RRP7A: variants seen among roughly 807,000 people sequenced by gnomAD.
RRP7A encodes ribosomal RNA-processing protein 7 homolog A.
In RRP7A, 27 loss-of-function variants were observed where a neutral mutation model predicts 38.4. The ratio of observed to expected loss-of-function variants is 0.70; its 90% CI spans 0.52 to 0.97. RRP7A has a LOEUF of 0.97. Ranked by LOEUF, RRP7A falls within the 50% of genes least tolerant of loss-of-function variation. The pLI, the probability that RRP7A is intolerant of heterozygous loss-of-function variation, is 0.00. For missense variants in RRP7A, 327 were observed against 375.4 expected (o/e 0.87, Z 1.07); for synonymous variants, 124 against 150.3 (o/e 0.83, Z 1.28).
rs1439515878 is a variant in RRP7A at position 42,516,145 on chromosome 22, G to A, written c.217-9C>T. 5 of 1,612,398 alleles carry A rather than the reference G, an allele frequency of 3.1e-6. No homozygotes were observed. The highest frequency in any genetic ancestry group is 4.2e-6 in the Non-Finnish European group (5 of 1,179,288). On this transcript the variant is annotated splice_polypyrimidine_tract_variant and intron_variant, in intron 2 of 6. Coordinates refer to ENST00000323013, the MANE Select transcript of RRP7A (RefSeq NM_015703.5). ...AGGCGGGACAGGCTCTCCTGCCGCA[G>A]GGAGAGGGAAGCCAAGTGTGAGCAT... is the stretch of plus-strand genomic sequence containing the variant.
Position 42,510,802 on chromosome 22 carries a change from ACTGGGAAAGACCC to A in RRP7A, c.*2095_*2107del. On this transcript the variant is annotated 3_prime_UTR_variant, in exon 7 of 7. Coordinates refer to ENST00000323013, the MANE Select transcript of RRP7A (RefSeq NM_015703.5). ...CCACCTCACCCATCTCTTCTCATGC[ACTGGGAAAGACCC>A]CTGGTCTGCCCCCAGGCCCAACAAG... 1 of 1,324,140 alleles carries A rather than the reference ACTGGGAAAGACCC, an allele frequency of 7.6e-7. No individual in the cohort carries two copies. Among genetic ancestry groups the A allele is most frequent in the Non-Finnish European group, 9.8e-7 (1 of 1,022,308 alleles). The allele number at this position is 1,324,140 out of a possible 1,614,324, so 82.0% of individuals were successfully genotyped here. A position where few individuals can be genotyped will look rare whatever the true frequency, so the allele number is the denominator to read the frequency against.
In RRP7A at chr22:42,519,688, C is replaced by T. The variant is rs370321667; in HGVS notation, c.73+26G>A. On this transcript the variant is annotated intron_variant, in intron 1 of 6. Coordinates refer to ENST00000323013, the MANE Select transcript of RRP7A (RefSeq NM_015703.5). Reference sequence around the variant, plus strand: ...CCTCCCGGCGATGCCTGACCGCCCCCGGTCTCGCGTCCCGGAGCCCCTCAC... The same window carrying T: ...CCTCCCGGCGATGCCTGACCGCCCCTGGTCTCGCGTCCCGGAGCCCCTCAC... The T allele has an allele frequency of 6.5e-5, 93 of 1,440,312 alleles. 1 individual carries two copies. The East Asian group carries it at 1.5e-3, about 23-fold the overall frequency. 89.2% of individuals were successfully genotyped at this position (1,440,312 alleles called of 1,614,324 possible).
At chr22:42,519,072 G>A (rs1432352516) in intron 1 of RRP7A, among the ~76,000 whole-genome samples, 1 of 148,750 alleles carries the variant, frequency 6.7e-6, no homozygotes, top group Non-Finnish European at 1.5e-5. Flanking sequence ...AAAACCCAGA[G>A]GGGGGAAAAA....
rs1932352153 is a variant in RRP7A, at chr22:42,508,850, GC to G, written c.*4059del. 6.6e-6 allele frequency among the ~76,000 whole-genome samples: 1 copy of G among 152,202 alleles called. No individual in the cohort carries two copies. The highest frequency in any genetic ancestry group is 2.1e-4 in the South Asian group (1 of 4,832). On this transcript the variant is annotated 3_prime_UTR_variant, in exon 7 of 7. Transcript: ENST00000323013. ...GACTTGGAGAGGGCAGGAGTCTCTG[GC>G]CACCAGGGGCTAAAGAGCCTTCGAT...
At chr22:42,516,421 T>C (rs1487580081) in intron 2 of RRP7A, 1 of 468,996 alleles carries the variant, frequency 2.1e-6, no homozygotes, top group South Asian at 1.7e-5. Context: ...GTGATTCTCA[T>C]GCCTCAGTCT....
Position 42,509,107 on chromosome 22 carries a change from T to C in RRP7A, c.*3803A>G, listed in dbSNP as rs150041615. ...AAGCTGCAGGCCCATGTCCTGTTGA[T>C]CAAGTGAGTCTGGACCCATCCCCTT... is the stretch of plus-strand genomic sequence containing the variant. On this transcript the variant is annotated 3_prime_UTR_variant, in exon 7 of 7. Transcript: ENST00000323013. The C allele has an allele frequency of 5.6e-6, 9 of 1,613,958 alleles. No individual in the cohort carries two copies. In the Admixed American group the frequency reaches 6.7e-5, roughly 12 times the overall value.
Position 42,510,692 on chromosome 22 carries a change from A to T in RRP7A, c.*2218T>A, listed in dbSNP as rs1321000784. ...CTCTGACAAGGAGTCCCTGTCGTTC[A>T]TGATAGACACAATGAAATCCACCCT... On this transcript the variant is annotated 3_prime_UTR_variant, in exon 7 of 7. Coordinates refer to ENST00000323013, the MANE Select transcript of RRP7A (RefSeq NM_015703.5). The T allele has an allele frequency of 6.7e-7, 1 of 1,485,444 alleles. No individual in the cohort carries two copies. Among genetic ancestry groups the T allele is most frequent in the East Asian group, 2.5e-5 (1 of 40,018 alleles). The allele number at this position is 1,485,444 out of a possible 1,614,324, so 92.0% of individuals were successfully genotyped here. A position where few individuals can be genotyped will look rare whatever the true frequency, so the allele number is the denominator to read the frequency against.
rs1932358581 is a variant in RRP7A at position 42,509,034 on chromosome 22, A to C, written c.*3876T>G. The C allele has an allele frequency of 3.7e-6, 6 of 1,608,752 alleles. No individual in the cohort carries two copies. The highest frequency in any genetic ancestry group is 5.1e-6 in the Non-Finnish European group (6 of 1,174,864). On this transcript the variant is annotated 3_prime_UTR_variant, in exon 7 of 7. Coordinates refer to ENST00000323013, the MANE Select transcript of RRP7A (RefSeq NM_015703.5). ...CATGTTTTTGTCTCTGCAGGCAGAG[A>C]ACAGCATTGACTTCGTCAGCAGGGA...
intron 5 of RRP7A, 27 bp from the exon 6 acceptor site, chr22:42,514,331 G>C (rs535031738): frequency 6.8e-7 from 1 of 1,477,842 alleles, no homozygotes; most frequent in Admixed American, 2.1e-5. Context: ...CCCATCCTCC[G>C]GTGGGACCTC....
In RRP7A at chr22:42,515,170, A is replaced by G. The variant is rs1354923972; in HGVS notation, c.441T>C (p.Pro147=). The G allele has an allele frequency of 8.6e-7, 1 of 1,166,732 alleles. No homozygotes were observed. Among genetic ancestry groups the G allele is most frequent in the Non-Finnish European group, 1.2e-6 (1 of 807,806 alleles). The allele number at this position is 1,166,732 out of a possible 1,614,324, so 72.3% of individuals were successfully genotyped here. A position where few individuals can be genotyped will look rare whatever the true frequency, so the allele number is the denominator to read the frequency against. ...ACTAACTGTGAATGCCACTCTTCAC[A>G]GGGTGGCTCTCTGTGGACACCAGCA... is the stretch of plus-strand genomic sequence containing the variant. ...GPLLVSTESH[P]VKSGIHKWIS... is the part of the protein sequence containing the mutation. The change falls in exon 4 of 7, where the codon CCT becomes CCC. Residue 147 remains proline, a synonymous_variant. Coordinates refer to ENST00000323013, the MANE Select transcript of RRP7A (RefSeq NM_015703.5).
In RRP7A at chr22:42,509,852, T is replaced by TGGGTGTGTGGGG. The variant is rs1932396316; in HGVS notation, c.*3057_*3058insCCCCACACACCC. 2 of 132,960 alleles carry TGGGTGTGTGGGG rather than the reference T, an allele frequency of 1.5e-5. No individual in the cohort carries two copies. The highest frequency in any genetic ancestry group is 5.3e-5 in the African/African-American group (2 of 37,932). 8.2% of individuals were successfully genotyped at this position (132,960 alleles called of 1,614,324 possible). A position where few individuals can be genotyped will look rare whatever the true frequency, so the allele number is the denominator to read the frequency against. ...GCCTGTTGGGGGTGGGGGGGTGGGG[T>TGGGTGTGTGGGG]GTGTGTGTGTGTGTGTAAGCTCAGA... On this transcript the variant is annotated 3_prime_UTR_variant, in exon 7 of 7. Transcript: ENST00000323013.
chr22:42,513,904 A>G (rs111405219), intron 6 of RRP7A, among the ~76,000 whole-genome samples: 22,427 of 142,410 alleles, frequency 0.16, 1,763 homozygotes, highest in Admixed American at 0.2. Context: ...ATCTGCCCCT[A>G]GGGGGTGATG....
rs377552598 is a variant in RRP7A, at chr22:42,508,999, G to A, written c.*3911C>T. ...CACGAGAGTGCCTGTGCCTTGTGAC[G>A]AGAATTCACCATGTTTTTGTCTCTG... On this transcript the variant is annotated 3_prime_UTR_variant, in exon 7 of 7. Coordinates refer to ENST00000323013, the MANE Select transcript of RRP7A (RefSeq NM_015703.5). 358 of 1,612,738 alleles carry A rather than the reference G, an allele frequency of 2.2e-4. No homozygotes were observed. In the African/African-American group the frequency reaches 3.0e-3, roughly 14 times the overall value.
chr22:42,512,005 G>A lies in RRP7A; in HGVS notation c.*905C>T, dbSNP rs1224473252. 2.2e-5 allele frequency: 16 copies of A among 724,504 alleles called. No homozygotes were observed. The highest frequency in any genetic ancestry group is 8.3e-5 in the South Asian group (5 of 60,484). 44.9% of individuals were successfully genotyped at this position (724,504 alleles called of 1,614,324 possible). A position where few individuals can be genotyped will look rare whatever the true frequency, so the allele number is the denominator to read the frequency against. ...GTGGGGGAAACTCACTGTGGGAGGC[G>A]CTCCTGACCTGCAGGGAGCTGGAAT... On this transcript the variant is annotated 3_prime_UTR_variant, in exon 7 of 7. Coordinates refer to ENST00000323013, the MANE Select transcript of RRP7A (RefSeq NM_015703.5).
chr22:42,519,708 C>A lies in RRP7A; in HGVS notation c.73+6G>T. On this transcript the variant is annotated splice_donor_region_variant and intron_variant, in intron 1 of 6. Transcript: ENST00000323013. ...GCCCCCGGTCTCGCGTCCCGGAGCC[C>A]CTCACCTGCGTAGCCCAGTGGGCTG... 6.9e-7 allele frequency: 1 copy of A among 1,452,548 alleles called. No individual in the cohort carries two copies. 90.0% of individuals were successfully genotyped at this position (1,452,548 alleles called of 1,614,324 possible). A position where few individuals can be genotyped will look rare whatever the true frequency, so the allele number is the denominator to read the frequency against.
chr22:42,510,374 A>AC lies in RRP7A; in HGVS notation c.*2535dup. On this transcript the variant is annotated 3_prime_UTR_variant, in exon 7 of 7. Coordinates refer to ENST00000323013, the MANE Select transcript of RRP7A (RefSeq NM_015703.5). ...GCTCTGCTGTTCAGGGCTGACTGTG[A>AC]CCAAGTCCTGAACTCCCTGCGCCCC... The AC allele has an allele frequency of 5.0e-6, 1 of 200,072 alleles. No individual in the cohort carries two copies. The highest frequency in any genetic ancestry group is 1.4e-4 in the South Asian group (1 of 7,142). The allele number at this position is 200,072 out of a possible 1,614,324, so 12.4% of individuals were successfully genotyped here. A position where few individuals can be genotyped will look rare whatever the true frequency, so the allele number is the denominator to read the frequency against.
In RRP7A at chr22:42,510,057, C is replaced by CG. The variant is rs1569258010; in HGVS notation, c.*2852dup. ...TCAGCTCACTGCAAGGTCCGCCTCC[C>CG]GGGTTCACGCCATTCTCCTGCCTCA... On this transcript the variant is annotated 3_prime_UTR_variant, in exon 7 of 7. Coordinates refer to ENST00000323013, the MANE Select transcript of RRP7A (RefSeq NM_015703.5). 1 of 151,196 alleles carries CG rather than the reference C, an allele frequency of 6.6e-6. No individual in the cohort carries two copies. The highest frequency in any genetic ancestry group is 2.4e-5 in the African/African-American group (1 of 41,002). The allele number at this position is 151,196 out of a possible 1,614,324, so 9.4% of individuals were successfully genotyped here.
chr22:42,509,085 C>T lies in RRP7A; in HGVS notation c.*3825G>A, dbSNP rs772566509. 32 of 1,613,962 alleles carry T rather than the reference C, an allele frequency of 2.0e-5. No individual in the cohort carries two copies. The South Asian group carries it at 3.2e-4, about 16-fold the overall frequency. On this transcript the variant is annotated 3_prime_UTR_variant, in exon 7 of 7. Coordinates refer to ENST00000323013, the MANE Select transcript of RRP7A (RefSeq NM_015703.5). The stretch of plus-strand genomic sequence containing the variant: ...GCTGTGTGCGCATTCCATCAGGAAG[C>T]TGCAGGCCCATGTCCTGTTGATCAA...
rs1401477657 is a variant in RRP7A at position 42,514,598 on chromosome 22, C to T, written c.558+84G>A. On this transcript the variant is annotated intron_variant, in intron 5 of 6. Coordinates refer to ENST00000323013, the MANE Select transcript of RRP7A (RefSeq NM_015703.5). ...CCTCTACAGAGTGGCCAAGGACAGG[C>T]CACCACTGCCCTCCCTCTGGGGCGC... The T allele has an allele frequency of 2.5e-6, 3 of 1,177,012 alleles. No homozygotes were observed. In the East Asian group the frequency reaches 7.6e-5, roughly 30 times the overall value. The allele number at this position is 1,177,012 out of a possible 1,614,324, so 72.9% of individuals were successfully genotyped here.
Sources: allele counts gnomAD v4.1 joint callset (sites outside exome capture counted in the v4.1 genomes callset), GRCh38; gene constraint gnomAD v4.1.1; transcripts MANE v1.5; gene names NCBI Gene and HGNC (gene_info 2026-07-23, HGNC 2026-07-21).